The following RBM6 variants were observed in gnomAD, a reference collection of about 807,000 sequenced individuals.
RBM6 encodes the protein RNA binding motif protein 6, also known as RNA-binding protein 6.
Under a neutral mutation model 140.4 loss-of-function variants are expected in RBM6, and 23 were observed. The ratio of observed to expected loss-of-function variants is 0.16; its 90% CI spans 0.12 to 0.23. RBM6 has a LOEUF of 0.23. Ranked by LOEUF, RBM6 falls within the 10% of genes least tolerant of loss-of-function variation. The probability of loss-of-function intolerance (pLI) is 1.00; values close to 1 mark genes in which losing one functional copy is unlikely to be tolerated. For synonymous variants in RBM6, 439 were observed against 475.6 expected (o/e 0.92, Z 1.00); for missense variants, 1,139 against 1,386.7 (o/e 0.82, Z 2.84).
intron 2 of RBM6, 68 bp downstream of exon 2, chr3:49,962,753 A>T (rs983110714): frequency 7.4e-7 from 1 of 1,356,582 alleles, no homozygotes; most frequent in Non-Finnish European, 1.0e-6. Context: ...ATTTTCGCCT[A>T]CTATAAATGA....
intron 19 of RBM6, among the ~76,000 whole-genome samples, chr3:50,072,855 G>C (rs2090347523): frequency 6.6e-6 from 1 of 152,280 alleles, no homozygotes; most frequent in African/African-American, 2.4e-5. Context: ...CTTAGGTGGG[G>C]TGCGGAAAGA....
At chr3:49,957,402 TC>T (rs2084046031) in intron 1 of RBM6, among the ~76,000 whole-genome samples, 2 of 151,216 alleles carry the variant, frequency 1.3e-5, no homozygotes, top group African/African-American at 4.9e-5. Flanking sequence ...TGCCTCAGCC[TC>T]CCAGTGCTTG....
intron 20 of RBM6, 32 bp from the exon 21 acceptor site, chr3:50,076,976 G>A (rs1288346735): frequency 6.3e-7 from 1 of 1,592,396 alleles, no homozygotes. Flanking sequence ...TAATCTATAG[G>A]GCCCACTTCA....
At chr3:49,975,088 C>T (rs958756974) in intron 4 of RBM6, among the ~76,000 whole-genome samples, 9 of 151,904 alleles carry the variant, frequency 5.9e-5, no homozygotes, top group Non-Finnish European at 1.3e-4. Context: ...ATCCTCTCAC[C>T]TTGGCCTCCC....
intron 7 of RBM6, among the ~76,000 whole-genome samples, chr3:50,050,725 A>G (rs1432197956): frequency 6.6e-6 from 1 of 152,174 alleles, no homozygotes; most frequent in African/African-American, 2.4e-5. Flanking sequence ...CTGCTTGCCA[A>G]CATTTGTTCT....
chr3:50,046,125 A>G (rs1416189759), intron 6 of RBM6, among the ~76,000 whole-genome samples: 1 of 151,922 alleles, frequency 6.6e-6, no homozygotes, highest in Non-Finnish European at 1.5e-5. Context: ...TACTAAAAAT[A>G]CAAAAATTAG....
chr3:49,981,363 C>T (rs1222537354), intron 5 of RBM6, among the ~76,000 whole-genome samples: 1 of 152,176 alleles, frequency 6.6e-6, no homozygotes. Context: ...TCTTAAGCCC[C>T]ATCCTAAACC....
At chr3:50,069,909 C>T (rs574086901) in intron 18 of RBM6, among the ~76,000 whole-genome samples, 23 of 152,244 alleles carry the variant, frequency 1.5e-4, no homozygotes, top group African/African-American at 5.5e-4. Context: ...TGTGTACTTT[C>T]CCCTGCTTCT....
At chr3:50,054,417 AGTTTTTATCTC>A in intron 8 of RBM6, 22 bp downstream of exon 8, 1 of 1,586,030 alleles carries the variant, frequency 6.3e-7, no homozygotes, top group Non-Finnish European at 8.7e-7. Flanking sequence ...AAGTGGTAGC[AGTTTTTATCTC>A]GTGCATTGAG....
At chr3:50,062,577 A>G (rs562146482) in intron 15 of RBM6, among the ~76,000 whole-genome samples, 1 of 151,668 alleles carries the variant, frequency 6.6e-6, no homozygotes, top group African/African-American at 2.4e-5. Context: ...TTATATCCCA[A>G]CTCTCTCTTT....
chr3:50,076,714 T>G (rs1286128659), intron 20 of RBM6, among the ~76,000 whole-genome samples: 1 of 151,882 alleles, frequency 6.6e-6, no homozygotes, highest in Non-Finnish European at 1.5e-5. Flanking sequence ...GGCGAAACCC[T>G]GTCTCTACTA....
intron 19 of RBM6, among the ~76,000 whole-genome samples, chr3:50,074,764 G>C (rs1434524914): frequency 6.6e-6 from 1 of 152,106 alleles, no homozygotes; most frequent in Non-Finnish European, 1.5e-5. Context: ...GCACTCAGAG[G>C]TACTGTTAAA....
chr3:49,989,733 C>T (rs867491764), intron 5 of RBM6, among the ~76,000 whole-genome samples: 2 of 151,974 alleles, frequency 1.3e-5, no homozygotes, highest in African/African-American at 2.4e-5. Context: ...TGCTAACAGA[C>T]GTTATTTTAT....
At chr3:50,056,476 A>G (rs1188682396) in intron 8 of RBM6, among the ~76,000 whole-genome samples, 1 of 151,934 alleles carries the variant, frequency 6.6e-6, no homozygotes, top group Non-Finnish European at 1.5e-5. Context: ...TTGTATTTTC[A>G]GTAGAGACAG....
At chr3:50,049,488 C>A (rs947394597) in intron 7 of RBM6, among the ~76,000 whole-genome samples, 110 of 152,056 alleles carry the variant, frequency 7.2e-4, no homozygotes, top group African/African-American at 2.4e-3. Flanking sequence ...TACTTAGTAT[C>A]AAAAATAATT....
At chr3:50,037,120 C>G (rs531730397) in intron 6 of RBM6, among the ~76,000 whole-genome samples, 1 of 152,188 alleles carries the variant, frequency 6.6e-6, no homozygotes, top group African/African-American at 2.4e-5. Flanking sequence ...AGAGAATTGG[C>G]TGGGCATGAT....
At chr3:49,942,065 C>T (rs1281233747) in intron 1 of RBM6, among the ~76,000 whole-genome samples, 1 of 148,778 alleles carries the variant, frequency 6.7e-6, no homozygotes, top group Non-Finnish European at 1.5e-5. Flanking sequence ...AGTGCCACTG[C>T]ACTCCAACCT....
intron 20 of RBM6, among the ~76,000 whole-genome samples, chr3:50,076,304 C>A (rs937291058): frequency 7.3e-5 from 11 of 149,738 alleles, no homozygotes; most frequent in African/African-American, 2.2e-4. Flanking sequence ...TGCCAGGGTC[C>A]GGGCGCAGTG....
chr3:49,948,648 G>A (rs1409761256), intron 1 of RBM6, among the ~76,000 whole-genome samples: 1 of 150,902 alleles, frequency 6.6e-6, no homozygotes, highest in Non-Finnish European at 1.5e-5. Flanking sequence ...GGAGGTGGAG[G>A]TTGCAGTGAG....
Sources: allele counts gnomAD v4.1 joint callset (sites outside exome capture counted in the v4.1 genomes callset), GRCh38; gene constraint gnomAD v4.1.1; transcripts MANE v1.5; gene names NCBI Gene and HGNC (gene_info 2026-07-23, HGNC 2026-07-21).